The following ASPDH variants were observed in gnomAD, a reference collection of about 807,000 sequenced individuals.
ASPDH encodes the protein aspartate dehydrogenase domain-containing protein.
In ASPDH, 25 loss-of-function variants were observed where a neutral mutation model predicts 30.5. The ratio of observed to expected loss-of-function variants is 0.82; its 90% confidence interval spans 0.60 to 1.14. ASPDH has a LOEUF of 1.14. Among genes scored for constraint, ASPDH ranks in the 50% most tolerant of loss-of-function variants. The pLI, the probability that ASPDH is intolerant of heterozygous loss-of-function variation, is 0.00. For synonymous variants in ASPDH, 168 were observed against 156.3 expected (o/e 1.07, Z -0.56); for missense variants, 401 against 381.5 (o/e 1.05, Z -0.43).
In ASPDH at chr19:50,511,745, C is replaced by T. The variant is rs1395385813; in HGVS notation, c.837G>A (p.Gly279=). 2.3e-6 allele frequency: 3 copies of T among 1,312,278 alleles called. No individual in the cohort carries two copies. The highest frequency in any genetic ancestry group is 2.9e-6 in the Non-Finnish European group (3 of 1,024,744). The allele number at this position is 1,312,278 out of a possible 1,614,324, so 81.3% of individuals were successfully genotyped here. Residue 279 remains glycine, a synonymous_variant, in exon 7 of 7, where the codon GGG becomes GGA. Coordinates refer to ENST00000389208, the MANE Select transcript of ASPDH (RefSeq NM_001114598.2). ...LACCQLPSRP[G]IHLC ...AGGAGGCTTCTCAGCAGAGATGGAT[C>T]CCCGGCCTGGAGGGGAGCTGGCAGC...
chr19:50,514,757 C>A, upstream of ASPDH: 1 of 1,172,582 alleles, frequency 8.5e-7, no homozygotes, highest in South Asian at 1.6e-5. Flanking sequence ...CCAGGATTGG[C>A]GCTGGAAGGA....
chr19:50,513,977 C>G, upstream of ASPDH: 1 of 917,120 alleles, frequency 1.1e-6, no homozygotes, highest in Non-Finnish European at 1.6e-6. The surrounding 1 kb of genome is among the most constrained non-coding windows in gnomAD (Gnocchi z 4.9). Context: ...GGGCGTGGGC[C>G]TGCGGGAGTG....
rs1355161046 is a variant in ASPDH at position 50,513,099 on chromosome 19, C to A, written c.198-88G>T. ...TCCCTCCGAGTCTACTGAGGGCTGC[C>A]CTTCTTCTCCCTGACCTGGGAGGCG... On this transcript the variant is annotated intron_variant, in intron 2 of 6. Coordinates refer to ENST00000389208, the MANE Select transcript of ASPDH (RefSeq NM_001114598.2). The surrounding 1 kb of genome is among the most constrained non-coding windows in gnomAD (Gnocchi z 4.9). The A allele has an allele frequency of 7.6e-7, 1 of 1,310,222 alleles. No homozygotes were observed. The highest frequency in any genetic ancestry group is 2.3e-5 in the East Asian group (1 of 42,684). The allele number at this position is 1,310,222 out of a possible 1,614,324, so 81.2% of individuals were successfully genotyped here.
chr19:50,513,829 T>G lies in ASPDH; in HGVS notation c.-6A>C. 1 of 1,549,882 alleles carries G rather than the reference T, an allele frequency of 6.5e-7. No homozygotes were observed. The highest frequency in any genetic ancestry group is 2.4e-5 in the East Asian group (1 of 40,890). On this transcript the variant is annotated 5_prime_UTR_variant, in exon 1 of 7. Transcript: ENST00000389208. The surrounding 1 kb of genome is among the most constrained non-coding windows in gnomAD (Gnocchi z 4.9). Reference sequence around the variant, plus strand: ...CACGGGCCCCTGTCGGCCATGGCCCTGAGTGCGGTGTCTGGGGCCTGGCTC... The same window carrying G: ...CACGGGCCCCTGTCGGCCATGGCCCGGAGTGCGGTGTCTGGGGCCTGGCTC...
At position 50,512,249 on chromosome 19, in the gene ASPDH, G is replaced by A. The variant is rs763885687; in HGVS notation, c.695C>T (p.Pro232Leu). The A allele has an allele frequency of 1.2e-6, 2 of 1,612,936 alleles. No individual in the cohort carries two copies. Among genetic ancestry groups the A allele is most frequent in the Admixed American group, 1.7e-5 (1 of 59,938 alleles). ...MHVVDVELSG[P>L]RGPTGRSFAV... ...AAAGCTTCGGCCCGTGGGGCCCCGG[G>A]GTCCGCTCAGCTCTACATCCACCAC... The change falls in exon 6 of 7, where the codon CCC (proline) becomes CTC (leucine). Residue 232 changes from proline (P) to leucine (L), a missense_variant. Physicochemically the swap from Pro to Leu is moderately conservative, Grantham distance 98. Transcript: ENST00000389208.
Position 50,512,163 on chromosome 19 carries a change from C to A in ASPDH, c.781G>T (p.Val261Phe), listed in dbSNP as rs201218298. 4.4e-6 allele frequency: 7 copies of A among 1,581,740 alleles called. No homozygotes were observed. The African/African-American group carries it at 8.1e-5, about 18-fold the overall frequency. ...AGGAGGCTCTGCCAGAAGGCCGTGACGGTGGCGGAGCCGGTGACCGCGCCT... is the reference window on the plus strand; with the variant it reads ...AGGAGGCTCTGCCAGAAGGCCGTGAAGGTGGCGGAGCCGGTGACCGCGCCT... Reference protein sequence around the residue: ...EPGAVTGSATVTAFWQSLLAC... With the variant: ...EPGAVTGSATFTAFWQSLLAC... The change falls in exon 6 of 7, where the codon GTC becomes TTC. Residue 261 changes from valine (V) to phenylalanine (F), a missense_variant. Coordinates refer to ENST00000389208, the MANE Select transcript of ASPDH (RefSeq NM_001114598.2).
Position 50,513,722 on chromosome 19 carries a change from G to T in ASPDH, c.52+50C>A. The T allele has an allele frequency of 7.4e-7, 1 of 1,355,106 alleles. No individual in the cohort carries two copies. The highest frequency in any genetic ancestry group is 1.0e-6 in the Non-Finnish European group (1 of 970,968). 83.9% of individuals were successfully genotyped at this position (1,355,106 alleles called of 1,614,324 possible). ...TTGTGGAGGGCAGAGAGTCTTGGGAGCTTTAGGAAGGGGTTTGGGGAAGGA... is the reference window on the plus strand; with the variant it reads ...TTGTGGAGGGCAGAGAGTCTTGGGATCTTTAGGAAGGGGTTTGGGGAAGGA... On this transcript the variant is annotated intron_variant, in intron 1 of 6. Transcript: ENST00000389208. This position sits in a 1 kb window ranked among gnomAD's most constrained non-coding sequence, Gnocchi z 4.9.
At chr19:50,511,865 AG>A (rs1264137025) in intron 6 of ASPDH, 92 bp from the exon 7 acceptor site, 12 of 356,256 alleles carry the variant, frequency 3.4e-5, no homozygotes, top group Non-Finnish European at 5.3e-5. Context: ...GGGACAGGGC[AG>A]GGGGGCGGTG....
In ASPDH at chr19:50,513,270, AC is replaced by A; in HGVS notation, c.197+1del. Reference sequence around the variant, plus strand: ...CCACTCTCCCATGGCAAGGTCACTGACCTTTCCCCAAGGGCAGCAAGGTTCT... The same window carrying A: ...CCACTCTCCCATGGCAAGGTCACTGACTTTCCCCAAGGGCAGCAAGGTTCT... On this transcript the variant is annotated splice_donor_variant, in intron 2 of 6. Coordinates refer to ENST00000389208, the MANE Select transcript of ASPDH (RefSeq NM_001114598.2). LOFTEE classifies it high-confidence loss of function. The surrounding 1 kb of genome is among the most constrained non-coding windows in gnomAD (Gnocchi z 4.9). 6.8e-7 allele frequency: 1 copy of A among 1,471,416 alleles called. No homozygotes were observed. Among genetic ancestry groups the A allele is most frequent in the Non-Finnish European group, 9.0e-7 (1 of 1,109,298 alleles). 91.1% of individuals were successfully genotyped at this position (1,471,416 alleles called of 1,614,324 possible).
At position 50,513,477 on chromosome 19, in the gene ASPDH, G is replaced by C; in HGVS notation, c.53-61C>G. ...AGAGAGGGGGACAGAGACCCAGAGAGAGAGGAGGTGGGGACAGAGACCCAG... is the reference window on the plus strand; with the variant it reads ...AGAGAGGGGGACAGAGACCCAGAGACAGAGGAGGTGGGGACAGAGACCCAG... On this transcript the variant is annotated intron_variant, in intron 1 of 6. Coordinates refer to ENST00000389208, the MANE Select transcript of ASPDH (RefSeq NM_001114598.2). This position sits in a 1 kb window ranked among gnomAD's most constrained non-coding sequence, Gnocchi z 4.9. The C allele has an allele frequency of 7.0e-7, 1 of 1,432,052 alleles. No individual in the cohort carries two copies. 88.7% of individuals were successfully genotyped at this position (1,432,052 alleles called of 1,614,324 possible).
chr19:50,514,595 C>G, upstream of ASPDH: 2 of 1,610,678 alleles, frequency 1.2e-6, no homozygotes, highest in Non-Finnish European at 1.7e-6. Context: ...CAGGAGAAGC[C>G]TTCGAGGCCT....
intron 6 of ASPDH, 55 bp downstream of exon 6, chr19:50,512,081 C>A: frequency 7.0e-7 from 1 of 1,437,968 alleles, no homozygotes; most frequent in Non-Finnish European, 9.2e-7. Context: ...CCCGGGACCC[C>A]CAAGCTCTGC....
intron 6 of ASPDH, 111 bp downstream of exon 6, chr19:50,512,025 A>G: frequency 3.0e-6 from 3 of 1,007,148 alleles, no homozygotes; most frequent in East Asian, 2.6e-5. Flanking sequence ...TCAGAAAGAA[A>G]GAAAGGTCAA....
At position 50,512,487 on chromosome 19, in the gene ASPDH, A is replaced by G. The variant is rs374130995; in HGVS notation, c.526T>C (p.Tyr176His). The change falls in exon 5 of 7, where the codon TAC becomes CAC. Residue 176 changes from tyrosine to histidine, a missense_variant. Tyr to His is a moderately conservative substitution (Grantham distance 83). Transcript: ENST00000389208. ...AHSPGPCTVLYEGPVRGLCPF... is the reference protein window; with the variant it reads ...AHSPGPCTVLHEGPVRGLCPF... ...CAGAGCCCACGGACAGGGCCTTCGT[A>G]GAGCACAGTGCAAGGCCCAGGGCTG... 1 of 1,583,804 alleles carries G rather than the reference A, an allele frequency of 6.3e-7. No homozygotes were observed. The highest frequency in any genetic ancestry group is 8.6e-7 in the Non-Finnish European group (1 of 1,166,912).
Position 50,513,443 on chromosome 19 carries a change from G to A in ASPDH, c.53-27C>T. 3 of 1,459,436 alleles carry A rather than the reference G, an allele frequency of 2.1e-6. No homozygotes were observed. Among genetic ancestry groups the A allele is most frequent in the African/African-American group, 2.9e-5 (2 of 70,066 alleles). 90.4% of individuals were successfully genotyped at this position (1,459,436 alleles called of 1,614,324 possible). On this transcript the variant is annotated intron_variant, in intron 1 of 6. Transcript: ENST00000389208. The surrounding 1 kb of genome is among the most constrained non-coding windows in gnomAD (Gnocchi z 4.9). ...TGGGGAGAGGGAAAGGAGAGGGCTA[G>A]AGATCCAGAGAGAGGGGGACAGAGA... is the stretch of plus-strand genomic sequence containing the variant.
At chr19:50,511,816 G>A in intron 6 of ASPDH, 43 bp from the exon 7 acceptor site, 1 of 1,324,284 alleles carries the variant, frequency 7.6e-7, no homozygotes, top group Non-Finnish European at 9.8e-7. Context: ...GAGGAGAGAT[G>A]AGGAGACAGA....
chr19:50,514,855 G>A, upstream of ASPDH: 1 of 985,404 alleles, frequency 1.0e-6, no homozygotes, highest in Non-Finnish European at 1.2e-6. Flanking sequence ...CGGGAGGAGA[G>A]AGGAGACAGA....
intron 6 of ASPDH, 141 bp from the exon 7 acceptor site, chr19:50,511,914 G>C (rs1601357067): frequency 1.7e-6 from 1 of 595,418 alleles, no homozygotes; most frequent in East Asian, 3.4e-5. Context: ...AGCCCTGGGG[G>C]TGGACAGAGA....
rs929431949 is a variant in ASPDH at position 50,513,577 on chromosome 19, G to T, written c.53-161C>A. On this transcript the variant is annotated intron_variant, in intron 1 of 6. Transcript: ENST00000389208. This position sits in a 1 kb window ranked among gnomAD's most constrained non-coding sequence, Gnocchi z 4.9. ...ATGGGGGCAGGGCAGAGACACAGTG[G>T]GGTGGACAGAGGCCCAGAGAGAAGG... 6.6e-6 allele frequency among the ~76,000 whole-genome samples: 1 copy of T among 151,950 alleles called. No individual in the cohort carries two copies. The highest frequency in any genetic ancestry group is 6.6e-5 in the Admixed American group (1 of 15,244).
Sources: gnomAD v4.1 joint callset for allele counts (sites outside exome capture counted in the v4.1 genomes callset) on GRCh38, gnomAD v4.1.1 for gene constraint, Gnocchi (gnomAD v3.1) non-coding constraint, MANE v1.5 for transcripts, NCBI Gene and HGNC (gene_info 2026-07-23, HGNC 2026-07-21) for gene names.